GFM2: variants seen among roughly 807,000 people sequenced by gnomAD.
GFM2 encodes ribosome-releasing factor 2, mitochondrial.
Under a neutral mutation model 95.4 loss-of-function variants are expected in GFM2, and 72 were observed. The observed-to-expected ratio is 0.76, with a 90% CI of 0.62 to 0.92. GFM2 has a LOEUF of 0.92. Ranked by LOEUF, GFM2 falls within the 40% of genes least tolerant of loss-of-function variation. The pLI, the probability that GFM2 is intolerant of heterozygous loss-of-function variation, is 0.00. For missense variants in GFM2, 825 were observed against 924.1 expected, an observed-to-expected ratio of 0.89 and a Z score of 1.39; for synonymous variants, 276 against 317.5, an observed-to-expected ratio of 0.87 and a Z score of 1.39.
At chr5:74,745,480 G>A (rs1488548756) in intron 10 of GFM2, among the ~76,000 whole-genome samples, 198 bp downstream of exon 10, 1 of 152,188 alleles carries the variant, frequency 6.6e-6, no homozygotes, top group African/African-American at 2.4e-5. Context: ...ATTTAGAAAT[G>A]ATTTAAAGTA....
rs1744245482 is a variant in GFM2, at chr5:74,760,887, C to G, written c.148+15G>C. On this transcript the variant is annotated intron_variant, in intron 3 of 20. Coordinates refer to ENST00000296805, the MANE Select transcript of GFM2 (RefSeq NM_032380.5). ...AAACAGCTTAGATAAAATTAGAAGACTCTAACATTTGTACCTGGTAGAGAA... is the reference window on the plus strand; with the variant it reads ...AAACAGCTTAGATAAAATTAGAAGAGTCTAACATTTGTACCTGGTAGAGAA... The G allele has an allele frequency of 1.3e-6, 2 of 1,519,562 alleles. No homozygotes were observed. Among genetic ancestry groups the G allele is most frequent in the Admixed American group, 1.8e-5 (1 of 55,786 alleles). The allele number at this position is 1,519,562 out of a possible 1,614,324, so 94.1% of individuals were successfully genotyped here. A position where few individuals can be genotyped will look rare whatever the true frequency, so the allele number is the denominator to read the frequency against.
chr5:74,721,829 CA>C, intron 20 of GFM2, 46 bp from the exon 21 acceptor site: 1 of 1,545,950 alleles, frequency 6.5e-7, no homozygotes, highest in Non-Finnish European at 8.8e-7. Context: ...ATTTAAGCCT[CA>C]AGTTTCTCTT....
intron 17 of GFM2, among the ~76,000 whole-genome samples, chr5:74,726,589 C>G (rs1446654413): frequency 6.6e-6 from 1 of 152,120 alleles, no homozygotes; most frequent in Admixed American, 6.6e-5. Context: ...ATATTTTATG[C>G]ACTTACTGTT....
rs776748857 is a variant in GFM2, at chr5:74,738,501, C to A, written c.1220+1G>T. ...ATAAAATAATCTAAGCTTCTACTTA[C>A]GTGCAGTTTCCATTAATATTATGAA... On this transcript the variant is annotated splice_donor_variant, in intron 13 of 20. Transcript: ENST00000296805. LOFTEE classifies it high-confidence loss of function. 9 of 1,611,878 alleles carry A rather than the reference C, an allele frequency of 5.6e-6. No homozygotes were observed. The South Asian group carries it at 6.6e-5, about 12-fold the overall frequency.
rs546153991 is a variant in GFM2 at position 74,727,627 on chromosome 5, T to G, written c.1727-1501A>C. Among the ~76,000 whole-genome samples the G allele has an allele frequency of 3.9e-5, 6 of 152,300 alleles. No homozygotes were observed. In the East Asian group the frequency reaches 1.2e-3, roughly 29 times the overall value. ...GGTCTATACTTGGTATTCAAATTAA[T>G]CCAGATTTGGCCAGCAGAGTCTCTT... On this transcript the variant is annotated intron_variant, in intron 17 of 20. Transcript: ENST00000296805.
rs528767218 is a variant in GFM2, at chr5:74,730,324, C to G, written c.1662G>C (p.Glu554Asp). Residue 554 changes from glutamate (E) to aspartate (D), a missense_variant, in exon 17 of 21, where the codon GAG becomes GAC. Transcript: ENST00000296805. ...CCACCTGGAGAGGCCCGAGATAGGT[C>G]TCCAGTCCATATTCCCTCTTGATTC... ...HDRIKREYGL[E>D]TYLGPLQVAY... is the part of the protein sequence containing the mutation. 3 of 1,613,290 alleles carry G rather than the reference C, an allele frequency of 1.9e-6. No individual in the cohort carries two copies. The highest frequency in any genetic ancestry group is 2.7e-5 in the African/African-American group (2 of 75,020).
intron 4 of GFM2, 74 bp from the exon 5 acceptor site, chr5:74,759,020 A>G (rs2112356907): frequency 1.2e-6 from 1 of 853,356 alleles, no homozygotes; most frequent in Admixed American, 2.1e-5. Context: ...TCCAAATTTC[A>G]AAGCTGGTAT....
chr5:74,764,673 G>A (rs957904136), intron 1 of GFM2, among the ~76,000 whole-genome samples: 1 of 148,756 alleles, frequency 6.7e-6, no homozygotes, highest in Non-Finnish European at 1.5e-5. Context: ...TCCTAAGTCT[G>A]TTCTTTCTGG....
chr5:74,747,818 AAAGT>A, intron 7 of GFM2, 38 bp from the exon 8 acceptor site: 4 of 1,159,824 alleles, frequency 3.4e-6, no homozygotes, highest in Non-Finnish European at 5.1e-6. Context: ...ATACTGAACA[AAAGT>A]AACTATGTTA....
chr5:74,731,925 T>A (rs1011819294), intron 16 of GFM2, among the ~76,000 whole-genome samples: 1 of 151,164 alleles, frequency 6.6e-6, no homozygotes, highest in Non-Finnish European at 1.5e-5. Context: ...TTTTTTTTTT[T>A]AAACGTAGTG....
At chr5:74,756,493 G>A (rs541004601) in intron 5 of GFM2, among the ~76,000 whole-genome samples, 50 of 152,226 alleles carry the variant, frequency 3.3e-4, no homozygotes, top group Admixed American at 2.2e-3. Context: ...ATAAACATGC[G>A]TGGTCAAGTA....
At chr5:74,722,614 A>G in intron 19 of GFM2, 53 bp from the exon 20 acceptor site, 2 of 1,441,630 alleles carry the variant, frequency 1.4e-6, no homozygotes, top group Non-Finnish European at 1.9e-6. Context: ...AACTTAAAAT[A>G]AATACAGCCT....
At position 74,738,496 on chromosome 5, in the gene GFM2, A is replaced by G; in HGVS notation, c.1220+6T>C. On this transcript the variant is annotated splice_donor_region_variant and intron_variant, in intron 13 of 20. Coordinates refer to ENST00000296805, the MANE Select transcript of GFM2 (RefSeq NM_032380.5). The stretch of plus-strand genomic sequence containing the variant: ...GTTTTATAAAATAATCTAAGCTTCT[A>G]CTTACGTGCAGTTTCCATTAATATT... 6.2e-7 allele frequency: 1 copy of G among 1,611,428 alleles called. No homozygotes were observed. The highest frequency in any genetic ancestry group is 8.5e-7 in the Non-Finnish European group (1 of 1,178,950).
chr5:74,731,677 T>C (rs1029165994), intron 16 of GFM2, among the ~76,000 whole-genome samples: 12 of 152,180 alleles, frequency 7.9e-5, no homozygotes, highest in Admixed American at 6.5e-5. Context: ...GTGAACTATT[T>C]GGGGAAAATA....
intron 14 of GFM2, 150 bp downstream of exon 14, chr5:74,738,168 T>C (rs1396611148): frequency 1.6e-5 from 10 of 622,934 alleles, no homozygotes; most frequent in Non-Finnish European, 2.5e-5. Flanking sequence ...ATGTATGAGA[T>C]TCAGCCATGT....
At chr5:74,766,603 G>A (rs530771282) in intron 1 of GFM2, among the ~76,000 whole-genome samples, 5 of 152,282 alleles carry the variant, frequency 3.3e-5, no homozygotes, top group African/African-American at 1.2e-4. Flanking sequence ...TCTGGAATCA[G>A]TCCTGTACCT....
intron 5 of GFM2, among the ~76,000 whole-genome samples, chr5:74,754,625 A>G (rs752249130): frequency 6.6e-6 from 1 of 152,240 alleles, no homozygotes; most frequent in Non-Finnish European, 1.5e-5. Flanking sequence ...GAGGGATATT[A>G]TACAATGATA....
intron 11 of GFM2, among the ~76,000 whole-genome samples, chr5:74,741,269 G>C (rs922543551): frequency 6.6e-6 from 1 of 152,102 alleles, no homozygotes; most frequent in African/African-American, 2.4e-5. Flanking sequence ...CAGAGAATGA[G>C]TAGTTAACTG....
rs567664367 is a variant in GFM2 at position 74,744,258 on chromosome 5, A to G, written c.849+1420T>C. On this transcript the variant is annotated intron_variant, in intron 10 of 20. Coordinates refer to ENST00000296805, the MANE Select transcript of GFM2 (RefSeq NM_032380.5). ...GGTAAGTATTTGTGTATCTCAACAT[A>G]GAAAAGGTACAGGAAAAATATAGTA... Among the ~76,000 whole-genome samples, 5 of 152,326 alleles carry G rather than the reference A, an allele frequency of 3.3e-5. No homozygotes were observed. The East Asian group carries it at 9.6e-4, about 29-fold the overall frequency.
Sources: gnomAD v4.1 joint callset for allele counts (sites outside exome capture counted in the v4.1 genomes callset) on GRCh38, gnomAD v4.1.1 for gene constraint, MANE v1.5 for transcripts, NCBI Gene and HGNC (gene_info 2026-07-23, HGNC 2026-07-21) for gene names.